Variants in SEMA5B observed in about 807,000 individuals in gnomAD.
SEMA5B encodes the protein semaphorin-5B.
A neutral mutation model predicts 135.0 loss-of-function variants in SEMA5B; 66 were observed. The observed-to-expected ratio is 0.49, with a 90% CI of 0.40 to 0.60. The LOEUF (loss-of-function observed/expected upper bound fraction) is 0.60. SEMA5B is among the 20% of genes least tolerant of loss of function. The pLI is 0.00. For missense variants in SEMA5B, 1,501 were observed against 1,566.3 expected (o/e 0.96, Z 0.70); for synonymous variants, 690 against 639.5 (o/e 1.08, Z -1.19).
intron 1 of SEMA5B, among the ~76,000 whole-genome samples, chr3:122,983,267 G>T (rs997056964): frequency 9.3e-5 from 14 of 150,530 alleles, no homozygotes; most frequent in Non-Finnish European, 1.9e-4. Flanking sequence ...GGATTTTTTT[G>T]GGGGGGTTTT....
chr3:122,941,090 G>T (rs1215997197), intron 4 of SEMA5B, among the ~76,000 whole-genome samples: 1 of 152,168 alleles, frequency 6.6e-6, no homozygotes, highest in East Asian at 1.9e-4. Flanking sequence ...ACAAGGGAGG[G>T]TTATAAATGA....
At chr3:123,000,495 G>A (rs1157898190) in intron 1 of SEMA5B, among the ~76,000 whole-genome samples, 1 of 152,152 alleles carries the variant, frequency 6.6e-6, no homozygotes, top group Non-Finnish European at 1.5e-5. Context: ...TGCCTCTCTG[G>A]CATTTGGCAT....
At chr3:122,916,355 G>A (rs1270450832) in intron 12 of SEMA5B, among the ~76,000 whole-genome samples, 2 of 152,172 alleles carry the variant, frequency 1.3e-5, no homozygotes, top group Admixed American at 6.5e-5. Context: ...AAGCCTTACA[G>A]ATGGTTCTCA....
rs1189227803 is a variant in SEMA5B at position 122,913,531 on chromosome 3, C to T, written c.2280+3G>A. 1.9e-6 allele frequency: 3 copies of T among 1,610,226 alleles called. No individual in the cohort carries two copies. The highest frequency in any genetic ancestry group is 2.2e-5 in the South Asian group (2 of 90,714). On this transcript the variant is annotated splice_donor_region_variant and intron_variant, in intron 16 of 22. Transcript: ENST00000357599. The stretch of plus-strand genomic sequence containing the variant: ...GCCCCTGGCCCACGGCCCCAACCCT[C>T]ACCACGCCGCAGCCCAGGCAGGAGT...
intron 12 of SEMA5B, among the ~76,000 whole-genome samples, chr3:122,920,820 G>A (rs767856487): frequency 1.3e-5 from 2 of 152,184 alleles, no homozygotes; most frequent in Non-Finnish European, 2.9e-5. Context: ...TTCCCACCCA[G>A]ATATCTGGAG....
chr3:122,962,716 A>G (rs4491842), intron 1 of SEMA5B, among the ~76,000 whole-genome samples: 1 of 152,220 alleles, frequency 6.6e-6, no homozygotes, highest in Non-Finnish European at 1.5e-5. Context: ...ATGGAAATGA[A>G]GTGAGACCAG....
intron 22 of SEMA5B, 127 bp from the exon 23 acceptor site, chr3:122,910,428 C>T (rs2107600631): frequency 1.1e-6 from 1 of 941,342 alleles, no homozygotes; most frequent in Admixed American, 2.3e-5. Context: ...GTGCTCTGTT[C>T]ACACCACCAC....
chr3:123,016,753 C>CT (rs1033560714), intron 1 of SEMA5B, among the ~76,000 whole-genome samples: 2 of 151,628 alleles, frequency 1.3e-5, no homozygotes, highest in Admixed American at 6.6e-5. Flanking sequence ...TTAAAAAACC[C>CT]TTTTTTTGTA....
At chr3:123,024,279 T>C (rs753448244) in intron 1 of SEMA5B, among the ~76,000 whole-genome samples, 6 of 152,248 alleles carry the variant, frequency 3.9e-5, no homozygotes, top group Non-Finnish European at 8.8e-5. Context: ...AAATGTCTGC[T>C]GTTCCTCTAT....
At chr3:122,939,370 T>C in intron 5 of SEMA5B, 55 bp downstream of exon 5, 2 of 1,431,812 alleles carry the variant, frequency 1.4e-6, no homozygotes, top group East Asian at 4.5e-5. Context: ...TTGCCCTGCC[T>C]TGGGCTCTGG....
chr3:122,999,320 G>A (rs28437609), intron 1 of SEMA5B, among the ~76,000 whole-genome samples: 26,359 of 151,984 alleles, frequency 0.17, 4,004 homozygotes, highest in African/African-American at 0.41. Context: ...TCTGCCTCCC[G>A]GGTTCAAGCG....
At chr3:123,017,655 C>T (rs1021538525) in intron 1 of SEMA5B, among the ~76,000 whole-genome samples, 1 of 152,206 alleles carries the variant, frequency 6.6e-6, no homozygotes, top group Non-Finnish European at 1.5e-5. Flanking sequence ...CACCTGTAAT[C>T]CCAACATTTT....
intron 14 of SEMA5B, among the ~76,000 whole-genome samples, chr3:122,914,944 G>T (rs539584498): frequency 1.3e-5 from 2 of 152,262 alleles, no homozygotes; most frequent in South Asian, 4.1e-4. Context: ...GAGTCCCCAG[G>T]TACCAGGCAC....
rs901242692 is a variant in SEMA5B at position 122,913,004 on chromosome 3, C to A, written c.2564G>T (p.Gly855Val). 7 of 1,603,714 alleles carry A rather than the reference C, an allele frequency of 4.4e-6. No individual in the cohort carries two copies. The African/African-American group carries it at 8.0e-5, about 18-fold the overall frequency. ...GSTSPHTVSG[G>V]WAAWGPWSSC... The stretch of plus-strand genomic sequence containing the variant: ...CGACCACGGGCCCCAGGCGGCCCAG[C>A]CCCCGCTCACCGTGTGCGGGGAGGT... Residue 855 changes from glycine to valine, a missense_variant, in exon 18 of 23, where the codon GGC (glycine) becomes GTC (valine). Physicochemically the swap from Gly to Val is moderately radical, Grantham distance 109. Transcript: ENST00000357599.
chr3:122,998,682 C>T (rs972102309), intron 1 of SEMA5B, among the ~76,000 whole-genome samples: 1 of 152,188 alleles, frequency 6.6e-6, no homozygotes, highest in African/African-American at 2.4e-5. Context: ...GACTTCATCC[C>T]TGACTCCTGG....
chr3:122,961,367 G>A (rs1940572628), intron 1 of SEMA5B, 66 bp from the exon 2 acceptor site: 1 of 1,455,944 alleles, frequency 6.9e-7, no homozygotes, highest in South Asian at 1.3e-5. Flanking sequence ...GATGAGGTCA[G>A]ATATAGGCCA....
intron 1 of SEMA5B, 82 bp from the exon 2 acceptor site, chr3:122,961,383 C>A (rs1447649944): frequency 2.4e-6 from 3 of 1,234,230 alleles, no homozygotes; most frequent in South Asian, 1.5e-5. Flanking sequence ...GGCCAGACTG[C>A]CCCAGGGACC....
chr3:122,984,981 A>G (rs1000119754), intron 1 of SEMA5B, among the ~76,000 whole-genome samples: 3 of 152,178 alleles, frequency 2.0e-5, no homozygotes, highest in African/African-American at 7.2e-5. Context: ...AGAATGAATA[A>G]AGTGTCTAGG....
intron 2 of SEMA5B, among the ~76,000 whole-genome samples, chr3:122,957,155 G>A (rs80030590): frequency 1.3e-5 from 2 of 152,232 alleles, no homozygotes; most frequent in Non-Finnish European, 2.9e-5. Context: ...CTGAAGAGGA[G>A]GATTTGTGGA....
Sources: gnomAD v4.1 joint callset for allele counts (sites outside exome capture counted in the v4.1 genomes callset) on GRCh38, gnomAD v4.1.1 for gene constraint, MANE v1.5 for transcripts, NCBI Gene and HGNC (gene_info 2026-07-23, HGNC 2026-07-21) for gene names.